MACROD2: variants seen among roughly 807,000 people sequenced by gnomAD.
The protein encoded by MACROD2 is mono-ADP ribosylhydrolase 2.
Under a neutral mutation model 70.4 loss-of-function variants are expected in MACROD2, and 36 were observed. The observed-to-expected ratio is 0.51, with a 90% CI of 0.39 to 0.68. The LOEUF is 0.68. MACROD2 is among the 30% of genes least tolerant of loss of function. The pLI is 0.00. For missense variants in MACROD2, 496 were observed against 538.4 expected (o/e 0.92, Z 0.78); for synonymous variants, 172 against 178.8 (o/e 0.96, Z 0.30).
At chr20:15,011,607 G>A (rs1189380419) in intron 5 of MACROD2, among the ~76,000 whole-genome samples, 1 of 152,122 alleles carries the variant, frequency 6.6e-6, no homozygotes, top group African/African-American at 2.4e-5. Flanking sequence ...TGGTCTTCCA[G>A]GAGGGGACAG....
At chr20:15,286,489 G>C (rs1330404183) in intron 6 of MACROD2, among the ~76,000 whole-genome samples, 1 of 141,950 alleles carries the variant, frequency 7.0e-6, no homozygotes, top group Admixed American at 7.0e-5. Context: ...CAGAGAGCCT[G>C]CCCTTGGGGA....
At chr20:14,821,792 T>C (rs920919811) in intron 5 of MACROD2, among the ~76,000 whole-genome samples, 2 of 152,012 alleles carry the variant, frequency 1.3e-5, no homozygotes, top group African/African-American at 4.8e-5. Context: ...TGTAGGTGAA[T>C]AGATTTGTCC....
At chr20:14,831,623 T>G (rs2072966449) in intron 5 of MACROD2, among the ~76,000 whole-genome samples, 1 of 151,068 alleles carries the variant, frequency 6.6e-6, no homozygotes, top group African/African-American at 2.4e-5. Context: ...TACTAAAAAA[T>G]ACAAACAATA....
chr20:14,331,871 C>T (rs2082848291), intron 3 of MACROD2, among the ~76,000 whole-genome samples: 1 of 152,100 alleles, frequency 6.6e-6, no homozygotes, highest in East Asian at 1.9e-4. Flanking sequence ...ATGACCCCCA[C>T]TGGCATGGAC....
At chr20:14,260,377 T>A (rs2082091877) in intron 3 of MACROD2, among the ~76,000 whole-genome samples, 1 of 152,228 alleles carries the variant, frequency 6.6e-6, no homozygotes, top group African/African-American at 2.4e-5. Context: ...TGCAAAAAAA[T>A]GTCATGATAA....
intron 4 of MACROD2, among the ~76,000 whole-genome samples, chr20:14,538,851 T>C (rs558459655): frequency 6.6e-6 from 1 of 152,328 alleles, no homozygotes; most frequent in East Asian, 1.9e-4. Flanking sequence ...TCTGAAAAAG[T>C]ACCTCATTTA....
intron 6 of MACROD2, among the ~76,000 whole-genome samples, chr20:15,304,043 C>A (rs2077672516): frequency 6.6e-6 from 1 of 152,182 alleles, no homozygotes; most frequent in South Asian, 2.1e-4. Flanking sequence ...GGCCTTTCCT[C>A]ACCACAAGCT....
chr20:14,404,548 G>T (rs770122014), intron 3 of MACROD2, among the ~76,000 whole-genome samples: 1 of 151,816 alleles, frequency 6.6e-6, no homozygotes, highest in Non-Finnish European at 1.5e-5. Flanking sequence ...AGTGAACAGA[G>T]ATCATGTCAT....
At chr20:14,281,214 T>C (rs1183892188) in intron 3 of MACROD2, among the ~76,000 whole-genome samples, 1 of 152,176 alleles carries the variant, frequency 6.6e-6, no homozygotes, top group Non-Finnish European at 1.5e-5. Context: ...AAATGCAATA[T>C]ATCCATACAA....
At chr20:15,349,142 C>G (rs1294036546) in intron 6 of MACROD2, among the ~76,000 whole-genome samples, 1 of 152,096 alleles carries the variant, frequency 6.6e-6, no homozygotes, top group Non-Finnish European at 1.5e-5. Flanking sequence ...TCAGAAACCA[C>G]CCAGTGCGTT....
chr20:14,981,570 T>C (rs958438915), intron 5 of MACROD2, among the ~76,000 whole-genome samples: 13 of 151,934 alleles, frequency 8.6e-5, no homozygotes, highest in African/African-American at 3.1e-4. Flanking sequence ...TGGGAGGTAA[T>C]TGAATCATGG....
chr20:14,335,553 A>C (rs1193912395), intron 3 of MACROD2, among the ~76,000 whole-genome samples: 1 of 152,178 alleles, frequency 6.6e-6, no homozygotes, highest in Non-Finnish European at 1.5e-5. Context: ...TTTATTTGCT[A>C]TCCAATTATA....
intron 5 of MACROD2, among the ~76,000 whole-genome samples, chr20:14,842,830 G>A (rs1393902455): frequency 6.6e-6 from 1 of 152,034 alleles, no homozygotes; most frequent in Non-Finnish European, 1.5e-5. Flanking sequence ...AAACAACAGA[G>A]TCCAATATTC....
At chr20:14,146,732 A>G (rs1049715399) in intron 3 of MACROD2, among the ~76,000 whole-genome samples, 2 of 152,314 alleles carry the variant, frequency 1.3e-5, no homozygotes, top group Admixed American at 1.3e-4. Context: ...CTTTCATCCT[A>G]TCAGCCTTTT....
intron 6 of MACROD2, among the ~76,000 whole-genome samples, chr20:15,372,407 G>A (rs1214983988): frequency 6.6e-6 from 1 of 152,242 alleles, no homozygotes; most frequent in Admixed American, 6.5e-5. Context: ...AATTTTTACA[G>A]TTGAATGGGT....
At chr20:14,004,289 C>T (rs771857644) in intron 2 of MACROD2, among the ~76,000 whole-genome samples, 1 of 152,178 alleles carries the variant, frequency 6.6e-6, no homozygotes, top group African/African-American at 2.4e-5. Flanking sequence ...TATCCTCTAA[C>T]AAGATATTGC....
At chr20:15,872,806 T>C (rs951816209) in intron 9 of MACROD2, among the ~76,000 whole-genome samples, 3 of 152,188 alleles carry the variant, frequency 2.0e-5, no homozygotes. Flanking sequence ...TGTCCTATAA[T>C]CTGGAGATGA....
chr20:15,240,321 C>T (rs189400823), intron 6 of MACROD2, among the ~76,000 whole-genome samples: 4 of 152,288 alleles, frequency 2.6e-5, no homozygotes, highest in African/African-American at 4.8e-5. Flanking sequence ...ACACTTAACA[C>T]GAGTTATATA....
chr20:15,869,234 T>TAGAGAGAGAG (rs1198181652), intron 9 of MACROD2, among the ~76,000 whole-genome samples: 37 of 31,690 alleles, frequency 1.2e-3, no homozygotes, highest in South Asian at 3.7e-3. Flanking sequence ...TATATATATA[T>TAGAGAGAGAG]ATATAGAGAG....
Sources: gnomAD v4.1 joint callset for allele counts (sites outside exome capture counted in the v4.1 genomes callset) on GRCh38, gnomAD v4.1.1 for gene constraint, MANE v1.5 for transcripts, NCBI Gene and HGNC (gene_info 2026-07-23, HGNC 2026-07-21) for gene names.